The following EPAS1 variants were observed in gnomAD, a reference collection of about 807,000 sequenced individuals.
EPAS1 encodes endothelial PAS domain-containing protein 1.
Under a neutral mutation model 87.9 loss-of-function variants are expected in EPAS1, and 23 were observed. The observed-to-expected ratio is 0.26, with a 90% CI of 0.19 to 0.37. The LOEUF (loss-of-function observed/expected upper bound fraction) is 0.37, where lower values mean the gene tolerates loss of function less well. Ranked by LOEUF, EPAS1 falls within the 10% of genes least tolerant of loss-of-function variation. The pLI is 1.00. For synonymous variants in EPAS1, 508 were observed against 444.3 expected (o/e 1.14, Z -1.80); for missense variants, 1,138 against 1,120.7 (o/e 1.02, Z -0.22).
intron 2 of EPAS1, among the ~76,000 whole-genome samples, chr2:46,354,400 A>G (rs991184288): frequency 6.6e-6 from 1 of 152,102 alleles, no homozygotes; most frequent in Admixed American, 6.5e-5. Context: ...ACAAATTTTC[A>G]TAAGTAAATG....
At chr2:46,333,976 G>T (rs940456466) in intron 1 of EPAS1, among the ~76,000 whole-genome samples, 2 of 152,146 alleles carry the variant, frequency 1.3e-5, no homozygotes, top group Non-Finnish European at 2.9e-5. Context: ...CATCCCATGG[G>T]TAACATTTAT....
At chr2:46,361,952 G>A (rs1684398528) in intron 6 of EPAS1, among the ~76,000 whole-genome samples, 2 of 152,200 alleles carry the variant, frequency 1.3e-5, no homozygotes, top group South Asian at 4.1e-4. Flanking sequence ...GGAGGAAGAT[G>A]GGGAGAACAG....
intron 1 of EPAS1, among the ~76,000 whole-genome samples, chr2:46,337,544 C>T (rs1273981689): frequency 1.3e-5 from 2 of 152,168 alleles, no homozygotes; most frequent in African/African-American, 4.8e-5. Flanking sequence ...GCCTTTTCTT[C>T]TTGATTCAAC....
chr2:46,337,555 C>G (rs1439739531), intron 1 of EPAS1, among the ~76,000 whole-genome samples: 1 of 152,140 alleles, frequency 6.6e-6, no homozygotes, highest in African/African-American at 2.4e-5. Context: ...TTGATTCAAC[C>G]GCCGTGCAAT....
At chr2:46,317,452 A>C (rs1201903576) in intron 1 of EPAS1, among the ~76,000 whole-genome samples, 2 of 152,206 alleles carry the variant, frequency 1.3e-5, no homozygotes, top group African/African-American at 4.8e-5. Flanking sequence ...AGGGCTCTTG[A>C]GTAACTAGGT....
At position 46,302,162 on chromosome 2, in the gene EPAS1, G is replaced by GC. The variant is rs1158583654; in HGVS notation, c.26+4225_26+4226insC. On this transcript the variant is annotated intron_variant, in intron 1 of 15. Transcript: ENST00000263734. ...TGTGTGTGTGTGTGCCCGTGCGTCG[G>GC]GGGGGGGGGCAGTGGTGATTCTCAA... Among the ~76,000 whole-genome samples the GC allele has an allele frequency of 8.8e-3, 1,147 of 131,056 alleles. 17 individuals carry two copies. Among genetic ancestry groups the GC allele is most frequent in the Non-Finnish European group, 0.013 (782 of 60,904 alleles). 86.0% of individuals were successfully genotyped at this position (131,056 alleles called of 152,430 possible). A position where few individuals can be genotyped will look rare whatever the true frequency, so the allele number is the denominator to read the frequency against.
intron 1 of EPAS1, among the ~76,000 whole-genome samples, chr2:46,323,582 C>T (rs979115445): frequency 1.3e-5 from 2 of 152,206 alleles, no homozygotes; most frequent in Non-Finnish European, 2.9e-5. Flanking sequence ...ACCCTGAGAG[C>T]AGACTGGTTT....
In EPAS1 at chr2:46,361,101, A is replaced by G. The variant is rs770557593; in HGVS notation, c.779+11A>G. The G allele has an allele frequency of 2.5e-6, 4 of 1,613,698 alleles. No homozygotes were observed. Among genetic ancestry groups the G allele is most frequent in the South Asian group, 1.1e-5 (1 of 91,036 alleles). ...CTACTGTGATGACAGGTAGGGGGCC[A>G]TGGGTGTGTATGCTGTGGGCAGAGA... On this transcript the variant is annotated intron_variant, in intron 6 of 15. Coordinates refer to ENST00000263734, the MANE Select transcript of EPAS1 (RefSeq NM_001430.5).
chr2:46,351,246 A>G (rs1684138452), intron 2 of EPAS1, among the ~76,000 whole-genome samples: 1 of 152,232 alleles, frequency 6.6e-6, no homozygotes, highest in South Asian at 2.1e-4. Flanking sequence ...CCTTTAACTT[A>G]AACTAAAAAG....
At chr2:46,306,288 C>A (rs1249713749) in intron 1 of EPAS1, among the ~76,000 whole-genome samples, 2 of 152,172 alleles carry the variant, frequency 1.3e-5, no homozygotes, top group Non-Finnish European at 2.9e-5. Context: ...TTTTTCCTGA[C>A]TGCCTCTGGT....
chr2:46,337,007 A>C (rs1406307144), intron 1 of EPAS1, among the ~76,000 whole-genome samples: 1 of 152,262 alleles, frequency 6.6e-6, no homozygotes, highest in Admixed American at 6.5e-5. Flanking sequence ...TCCCAGATGG[A>C]AACCGTCTAT....
chr2:46,340,094 C>T (rs1683881717), intron 1 of EPAS1, among the ~76,000 whole-genome samples: 3 of 152,176 alleles, frequency 2.0e-5, no homozygotes, highest in Non-Finnish European at 4.4e-5. Context: ...GTACACACAG[C>T]TTTTCCCAGC....
intron 1 of EPAS1, among the ~76,000 whole-genome samples, chr2:46,308,489 G>GT (rs1553388790): frequency 7.3e-6 from 1 of 136,176 alleles, no homozygotes; most frequent in Non-Finnish European, 1.6e-5. Flanking sequence ...ATCATGCTTA[G>GT]TTTTTTAAAA....
intron 1 of EPAS1, among the ~76,000 whole-genome samples, chr2:46,301,556 A>AGG (rs146111768): frequency 6.7e-6 from 1 of 148,164 alleles, no homozygotes; most frequent in African/African-American, 2.5e-5. Flanking sequence ...CAGCCTGGGC[A>AGG]AGAGTGAAAT....
In EPAS1 at chr2:46,347,489, T is replaced by A. The variant is rs1481871079; in HGVS notation, c.217+426T>A. 1 of 262,062 alleles carries A rather than the reference T, an allele frequency of 3.8e-6. No individual in the cohort carries two copies. Among genetic ancestry groups the A allele is most frequent in the Admixed American group, 4.8e-5 (1 of 20,662 alleles). 16.2% of individuals were successfully genotyped at this position (262,062 alleles called of 1,614,324 possible). ...AAGAAGGTGTGCCCGGATGATCTTT[T>A]CCCTCTGAGAAGCCAGTTAGGCCAA... is the stretch of plus-strand genomic sequence containing the variant. On this transcript the variant is annotated intron_variant, in intron 2 of 15. Transcript: ENST00000263734. The surrounding 1 kb of genome is among the most constrained non-coding windows in gnomAD (Gnocchi z 4.2).
intron 1 of EPAS1, among the ~76,000 whole-genome samples, chr2:46,330,343 G>T (rs1037195717): frequency 6.6e-6 from 1 of 152,156 alleles, no homozygotes; most frequent in Non-Finnish European, 1.5e-5. Flanking sequence ...CTTCCTACAC[G>T]TAGAGCTAGG....
At chr2:46,323,726 G>A (rs1318467527) in intron 1 of EPAS1, among the ~76,000 whole-genome samples, 1 of 152,170 alleles carries the variant, frequency 6.6e-6, no homozygotes, top group Non-Finnish European at 1.5e-5. Flanking sequence ...CATCAAGAAA[G>A]TAATATTTTT....
intron 9 of EPAS1, 112 bp downstream of exon 9, chr2:46,376,865 GCCC>G (rs761252285): frequency 2.7e-6 from 3 of 1,115,476 alleles, no homozygotes; most frequent in Admixed American, 2.0e-5. Flanking sequence ...AGCTACCCCA[GCCC>G]CCCAAGTCTT....
At chr2:46,309,045 T>TC (rs1394105136) in intron 1 of EPAS1, among the ~76,000 whole-genome samples, 2 of 152,234 alleles carry the variant, frequency 1.3e-5, no homozygotes, top group Admixed American at 1.3e-4. Context: ...TGTTCTTTTT[T>TC]CCCCACAGAA....
Sources: allele counts gnomAD v4.1 joint callset (sites outside exome capture counted in the v4.1 genomes callset), GRCh38; gene constraint gnomAD v4.1.1; non-coding constraint Gnocchi (gnomAD v3.1); transcripts MANE v1.5; gene names NCBI Gene and HGNC (gene_info 2026-07-23, HGNC 2026-07-21).